The following WDPCP variants were observed in gnomAD, a reference collection of about 807,000 sequenced individuals.
WDPCP encodes WD repeat containing planar cell polarity effector.
A neutral mutation model predicts 93.1 loss-of-function variants in WDPCP; 71 were observed. The ratio of observed to expected loss-of-function variants is 0.76; its 90% CI spans 0.63 to 0.93. The LOEUF is 0.93. WDPCP is among the 40% of genes least tolerant of loss of function. The probability of loss-of-function intolerance (pLI) is 0.00; values close to 1 mark genes in which losing one functional copy is unlikely to be tolerated. For synonymous variants in WDPCP, 315 were observed against 315.0 expected (o/e 1.00, Z 0.00); for missense variants, 844 against 887.4 (o/e 0.95, Z 0.62).
intron 14 of WDPCP, among the ~76,000 whole-genome samples, chr2:63,187,444 T>A (rs1674721870): frequency 6.6e-6 from 1 of 152,252 alleles, no homozygotes. Context: ...GGACCCTCAT[T>A]CTTCTGTTAC....
At chr2:63,532,467 G>A (rs896754243) in intron 1 of WDPCP, among the ~76,000 whole-genome samples, 5 of 152,138 alleles carry the variant, frequency 3.3e-5, no homozygotes, top group African/African-American at 4.8e-5. Flanking sequence ...AAGAAAGGTC[G>A]GGTTACCCAC....
intron 13 of WDPCP, among the ~76,000 whole-genome samples, chr2:63,302,448 T>C (rs1344230203): frequency 1.3e-5 from 2 of 152,194 alleles, no homozygotes; most frequent in African/African-American, 2.4e-5. Flanking sequence ...CCTTCTTTCA[T>C]GGTTTAAAAT....
At chr2:63,696,436 GA>G (rs1668961652) in intron 2 of WDPCP, among the ~76,000 whole-genome samples, 1 of 152,128 alleles carries the variant, frequency 6.6e-6, no homozygotes, top group Non-Finnish European at 1.5e-5. Flanking sequence ...CGTTCTACAA[GA>G]ATGCATCATT....
At chr2:63,774,734 CT>C (rs1670279298) in intron 2 of WDPCP, among the ~76,000 whole-genome samples, 1 of 152,064 alleles carries the variant, frequency 6.6e-6, no homozygotes, top group Non-Finnish European at 1.5e-5. Flanking sequence ...TTTTCAAGTT[CT>C]TCTTCAGCTT....
chr2:63,520,960 A>T (rs567347001), intron 1 of WDPCP, among the ~76,000 whole-genome samples: 52 of 151,686 alleles, frequency 3.4e-4, no homozygotes, highest in African/African-American at 1.2e-3. Context: ...ACTAAGTTTG[A>T]TACTCAAAGG....
At chr2:63,259,198 TACAA>T (rs1311872678) in intron 14 of WDPCP, 105 bp downstream of exon 14, 13 of 947,570 alleles carry the variant, frequency 1.4e-5, no homozygotes, top group South Asian at 5.5e-5. Flanking sequence ...GCACTGTCTT[TACAA>T]ACAAAGTAAT....
rs763859638 is a variant in WDPCP, at chr2:63,433,890, C to T, written c.680G>A (p.Arg227Gln). Residue 227 changes from arginine (R) to glutamine (Q), a missense_variant, in exon 9 of 18, where the codon CGA (arginine) becomes CAA (glutamine). Physicochemically the swap from Arg to Gln is conservative, Grantham distance 43. Coordinates refer to ENST00000272321, the MANE Select transcript of WDPCP (RefSeq NM_015910.7). ...ATGAACACAGTTGATAGCTAGATGT[C>T]GCTCTGTTGTCTTGTTTATTGGGCC... ...IPGPINKTTE[R>Q]HLAINCVHDR... The T allele has an allele frequency of 5.6e-6, 9 of 1,613,900 alleles. No individual in the cohort carries two copies. Among genetic ancestry groups the T allele is most frequent in the African/African-American group, 2.7e-5 (2 of 75,008 alleles).
intron 14 of WDPCP, among the ~76,000 whole-genome samples, chr2:63,255,370 C>A (rs1354291399): frequency 6.6e-6 from 1 of 151,774 alleles, no homozygotes; most frequent in East Asian, 1.9e-4. Context: ...ATGTTTGTCC[C>A]CTCCAACTCT....
intron 2 of WDPCP, among the ~76,000 whole-genome samples, chr2:63,780,236 C>A (rs1670366534): frequency 6.6e-6 from 1 of 152,152 alleles, no homozygotes; most frequent in Admixed American, 6.5e-5. Context: ...AAGTGATTGG[C>A]AGTCGATGAT....
chr2:63,431,103 T>C (rs1292817046), intron 9 of WDPCP, among the ~76,000 whole-genome samples: 1 of 152,174 alleles, frequency 6.6e-6, no homozygotes, highest in African/African-American at 2.4e-5. Context: ...TTTGGTTCAG[T>C]ATGTGGGCTT....
intron 1 of WDPCP, chr2:63,518,711 G>C (rs1702719329): frequency 1.3e-5 from 2 of 153,044 alleles, no homozygotes; most frequent in African/African-American, 4.8e-5. Context: ...AGTCCAACCT[G>C]AGCAGCCCCC....
intron 12 of WDPCP, among the ~76,000 whole-genome samples, chr2:63,370,573 A>C (rs1187211078): frequency 6.6e-6 from 1 of 152,246 alleles, no homozygotes; most frequent in Non-Finnish European, 1.5e-5. Flanking sequence ...GACTAAAAAA[A>C]AACAACATAG....
intron 8 of WDPCP, among the ~76,000 whole-genome samples, chr2:63,435,337 C>T (rs1031811305): frequency 6.6e-6 from 1 of 152,112 alleles, no homozygotes; most frequent in African/African-American, 2.4e-5. Context: ...ATACTCTATA[C>T]CACTTCCTTG....
chr2:63,817,587 C>A (rs930994779), intron 1 of WDPCP, among the ~76,000 whole-genome samples: 30 of 152,262 alleles, frequency 2.0e-4, no homozygotes, highest in African/African-American at 6.7e-4. Flanking sequence ...CACAGCCAGA[C>A]CCAATCATTT....
At chr2:63,429,067 G>A (rs968816785) in intron 9 of WDPCP, among the ~76,000 whole-genome samples, 34 of 152,206 alleles carry the variant, frequency 2.2e-4, no homozygotes, top group Middle Eastern at 3.4e-3. Flanking sequence ...AATAAGCAAT[G>A]GGGAAAACAC....
At chr2:63,505,901 T>C (rs1701839592) in intron 1 of WDPCP, among the ~76,000 whole-genome samples, 1 of 151,938 alleles carries the variant, frequency 6.6e-6, no homozygotes. Flanking sequence ...GTGGGGAGCT[T>C]GGGATGGAGG....
intron 15 of WDPCP, among the ~76,000 whole-genome samples, chr2:63,155,652 G>A (rs905294130): frequency 6.6e-6 from 1 of 152,178 alleles, no homozygotes; most frequent in Non-Finnish European, 1.5e-5. Context: ...TCCTTGCTAT[G>A]ATGACAGTTA....
chr2:63,425,842 A>G (rs1353943162), intron 9 of WDPCP, among the ~76,000 whole-genome samples: 1 of 152,244 alleles, frequency 6.6e-6, no homozygotes, highest in Non-Finnish European at 1.5e-5. Flanking sequence ...ATCTCCCTAG[A>G]GAGACTGATA....
At chr2:63,251,172 C>T (rs1034431060) in intron 14 of WDPCP, among the ~76,000 whole-genome samples, 1 of 151,990 alleles carries the variant, frequency 6.6e-6, no homozygotes, top group African/African-American at 2.4e-5. Context: ...AAAGAATGAA[C>T]GACACCAAAA....
Sources: allele counts gnomAD v4.1 joint callset (sites outside exome capture counted in the v4.1 genomes callset), GRCh38; gene constraint gnomAD v4.1.1; transcripts MANE v1.5; gene names NCBI Gene and HGNC (gene_info 2026-07-23, HGNC 2026-07-21).